PLCL1: variants seen among roughly 807,000 people sequenced by gnomAD.
PLCL1 encodes the protein inactive phospholipase C-like protein 1.
A neutral mutation model predicts 84.4 loss-of-function variants in PLCL1; 41 were observed. The ratio of observed to expected loss-of-function variants is 0.49; its 90% CI spans 0.38 to 0.63. The LOEUF is 0.63. Ranked by LOEUF, PLCL1 falls within the 30% of genes least tolerant of loss-of-function variation. PLCL1 has a pLI of 0.00. For synonymous variants in PLCL1, 490 were observed against 488.3 expected (o/e 1.00, Z -0.05); for missense variants, 1,206 against 1,367.8 (o/e 0.88, Z 1.87).
At chr2:198,059,271 G>T (rs1692137933) in intron 1 of PLCL1, among the ~76,000 whole-genome samples, 1 of 152,124 alleles carries the variant, frequency 6.6e-6, no homozygotes, top group South Asian at 2.1e-4. Context: ...TGATTTGTGA[G>T]TTGATACATA....
chr2:197,866,725 A>C (rs1440543550), intron 1 of PLCL1, among the ~76,000 whole-genome samples: 1 of 152,180 alleles, frequency 6.6e-6, no homozygotes. Flanking sequence ...CAGGGAATTC[A>C]GCTCCAAGCA....
intron 5 of PLCL1, among the ~76,000 whole-genome samples, chr2:198,129,190 C>T (rs1022300605): frequency 6.6e-6 from 1 of 152,100 alleles, no homozygotes; most frequent in Admixed American, 6.6e-5. Context: ...TTTAGAGAAG[C>T]CCCTTCCCTT....
At chr2:197,837,609 C>T (rs1366573018) in intron 1 of PLCL1, among the ~76,000 whole-genome samples, 3 of 152,180 alleles carry the variant, frequency 2.0e-5, no homozygotes, top group East Asian at 1.9e-4. Context: ...GATGGAGAGC[C>T]GGGATTGGGC....
intron 5 of PLCL1, among the ~76,000 whole-genome samples, chr2:198,133,021 G>C (rs945641945): frequency 9.3e-5 from 14 of 151,266 alleles, no homozygotes; most frequent in African/African-American, 3.4e-4. Context: ...TGTAAGGAAG[G>C]GATCCAGTTT....
At chr2:197,873,409 G>C (rs1687682851) in intron 1 of PLCL1, among the ~76,000 whole-genome samples, 1 of 152,078 alleles carries the variant, frequency 6.6e-6, no homozygotes, top group South Asian at 2.1e-4. Flanking sequence ...TCATCAAGCT[G>C]TGCTGGGCAG....
At chr2:198,015,403 T>C (rs1357234745) in intron 1 of PLCL1, among the ~76,000 whole-genome samples, 1 of 152,208 alleles carries the variant, frequency 6.6e-6, no homozygotes, top group African/African-American at 2.4e-5. Context: ...TTTTATTTTG[T>C]TTTTACGATT....
chr2:198,099,167 G>A (rs992207497), intron 3 of PLCL1, among the ~76,000 whole-genome samples: 21 of 152,200 alleles, frequency 1.4e-4, no homozygotes, highest in South Asian at 4.1e-4. Context: ...CAACCCAGCC[G>A]TCATGGCTGA....
Position 197,804,895 on chromosome 2 carries a change from A to T in PLCL1, c.-205A>T, listed in dbSNP as rs571772537. On this transcript the variant is annotated 5_prime_UTR_variant, in exon 1 of 6. Transcript: ENST00000428675. ...GCCGGACTGCTAGCCTCCTAGACCG[A>T]AGCCCGAGGACGTCTCTGCCCGAGC... 1 of 513,954 alleles carries T rather than the reference A, an allele frequency of 1.9e-6. No individual in the cohort carries two copies. The highest frequency in any genetic ancestry group is 4.3e-5 in the Admixed American group (1 of 23,480). The allele number at this position is 513,954 out of a possible 1,614,324, so 31.8% of individuals were successfully genotyped here.
intron 1 of PLCL1, among the ~76,000 whole-genome samples, chr2:197,980,511 C>G (rs910560303): frequency 6.6e-6 from 1 of 152,196 alleles, no homozygotes; most frequent in African/African-American, 2.4e-5. Context: ...GTCTACTACA[C>G]TGCTTTGCAC....
intron 1 of PLCL1, among the ~76,000 whole-genome samples, chr2:198,007,571 T>G (rs1483685100): frequency 6.6e-6 from 1 of 152,176 alleles, no homozygotes; most frequent in African/African-American, 2.4e-5. Flanking sequence ...TGTAAAGAAA[T>G]GATGTTAGTT....
intron 5 of PLCL1, among the ~76,000 whole-genome samples, chr2:198,116,757 G>T (rs1281004813): frequency 6.6e-6 from 1 of 151,864 alleles, no homozygotes; most frequent in African/African-American, 2.4e-5. Flanking sequence ...AAGCTCCAGG[G>T]TTTCAGAGAC....
chr2:197,806,287 T>C (rs1690476900), intron 1 of PLCL1, among the ~76,000 whole-genome samples: 2 of 152,226 alleles, frequency 1.3e-5, no homozygotes, highest in Admixed American at 1.3e-4. Context: ...AGTATATATG[T>C]GTGTGTGTAC....
rs1574887818 is a variant in PLCL1 at position 197,805,136 on chromosome 2, C to T, written c.37C>T (p.Pro13Ser). 2.3e-6 allele frequency: 3 copies of T among 1,312,758 alleles called. No homozygotes were observed. The highest frequency in any genetic ancestry group is 6.3e-5 in the East Asian group (2 of 31,800). 81.3% of individuals were successfully genotyped at this position (1,312,758 alleles called of 1,614,324 possible). The change falls in exon 1 of 6, where the codon CCG becomes TCG. Residue 13 changes from proline to serine, a missense_variant. Coordinates refer to ENST00000428675, the MANE Select transcript of PLCL1 (RefSeq NM_006226.4). This position sits in a 1 kb window ranked among gnomAD's most constrained non-coding sequence, Gnocchi z 4.0. ...CGCGGCCGGCAGGGAGGATCCGGCG[C>T]CGCCCGACGCGGCGGGGGGCGAAGA... ...EGAAGREDPA[P>S]PDAAGGEDDP...
chr2:197,938,613 A>G (rs1689093609), intron 1 of PLCL1, among the ~76,000 whole-genome samples: 1 of 152,144 alleles, frequency 6.6e-6, no homozygotes, highest in South Asian at 2.1e-4. Flanking sequence ...GCCATCTCCT[A>G]CCAGCAGTTG....
intron 1 of PLCL1, among the ~76,000 whole-genome samples, chr2:198,002,338 A>T (rs1690621426): frequency 6.6e-6 from 1 of 152,288 alleles, no homozygotes; most frequent in Non-Finnish European, 1.5e-5. Flanking sequence ...TGTTGTATAT[A>T]TATCTTGAAA....
rs753354992 is a variant in PLCL1, at chr2:198,083,950, C to A, written c.433C>A (p.Arg145Ser). The part of the protein sequence containing the change: ...FTLDTDLQAL[R>S]WEPSKKDLEK... Reference sequence around the variant, plus strand: ...TCTGGACACAGACCTTCAAGCTCTTCGCTGGGAACCTTCAAAGAAAGACCT... The same window carrying A: ...TCTGGACACAGACCTTCAAGCTCTTAGCTGGGAACCTTCAAAGAAAGACCT... The change falls in exon 2 of 6, where the codon CGC becomes AGC. Residue 145 changes from arginine to serine, a missense_variant. Coordinates refer to ENST00000428675, the MANE Select transcript of PLCL1 (RefSeq NM_006226.4). 4 of 1,614,060 alleles carry A rather than the reference C, an allele frequency of 2.5e-6. No individual in the cohort carries two copies. Among genetic ancestry groups the A allele is most frequent in the Non-Finnish European group, 3.4e-6 (4 of 1,179,964 alleles).
intron 5 of PLCL1, among the ~76,000 whole-genome samples, chr2:198,145,573 A>T (rs1268354599): frequency 2.6e-5 from 4 of 152,208 alleles, no homozygotes; most frequent in Non-Finnish European, 5.9e-5. Context: ...TAATTGATGT[A>T]CTTGAGAAGA....
At chr2:198,113,639 C>G (rs1056015448) in intron 5 of PLCL1, among the ~76,000 whole-genome samples, 1 of 151,874 alleles carries the variant, frequency 6.6e-6, no homozygotes, top group Non-Finnish European at 1.5e-5. Flanking sequence ...GATTCCAAAA[C>G]CCTGCCTTGT....
intron 1 of PLCL1, among the ~76,000 whole-genome samples, chr2:197,863,360 A>G (rs1687469940): frequency 6.6e-6 from 1 of 152,144 alleles, no homozygotes; most frequent in South Asian, 2.1e-4. Context: ...AAACAGTTAT[A>G]TTTGCATCCA....
Sources: allele counts gnomAD v4.1 joint callset (sites outside exome capture counted in the v4.1 genomes callset), GRCh38; gene constraint gnomAD v4.1.1; non-coding constraint Gnocchi (gnomAD v3.1); transcripts MANE v1.5; gene names NCBI Gene and HGNC (gene_info 2026-07-23, HGNC 2026-07-21).